Variants in ATXN2 observed in about 807,000 individuals in gnomAD.
The protein encoded by ATXN2 is ataxin-2.
Under a neutral mutation model 138.6 loss-of-function variants are expected in ATXN2, and 37 were observed. The ratio of observed to expected loss-of-function variants is 0.27; its 90% CI spans 0.21 to 0.35. The LOEUF is 0.35. Among genes scored for constraint, ATXN2 ranks in the 10% least tolerant of loss-of-function variants. The pLI, the probability that ATXN2 is intolerant of heterozygous loss-of-function variation, is 1.00. For missense variants in ATXN2, 1,216 were observed against 1,480.3 expected (o/e 0.82, Z 2.93); for synonymous variants, 549 against 543.7 (o/e 1.01, Z -0.13).
intron 5 of ATXN2, among the ~76,000 whole-genome samples, chr12:111,528,242 A>T (rs2135751089): frequency 6.6e-6 from 1 of 152,352 alleles, no homozygotes; most frequent in East Asian, 1.9e-4. Flanking sequence ...ATAGAACCAT[A>T]TAAACGGATT....
At chr12:111,487,203 T>C (rs1426276127) in intron 15 of ATXN2, among the ~76,000 whole-genome samples, 1 of 151,982 alleles carries the variant, frequency 6.6e-6, no homozygotes, top group Non-Finnish European at 1.5e-5. Flanking sequence ...CTTAGCCTCC[T>C]GATTAGCTGG....
intron 14 of ATXN2, among the ~76,000 whole-genome samples, chr12:111,491,725 G>A (rs1042776585): frequency 6.6e-6 from 1 of 152,158 alleles, no homozygotes; most frequent in African/African-American, 2.4e-5. Flanking sequence ...GAGCCCTTGT[G>A]CCTTGAATAA....
chr12:111,474,410 AAAAC>A (rs1433191019), intron 18 of ATXN2, among the ~76,000 whole-genome samples: 2 of 152,086 alleles, frequency 1.3e-5, no homozygotes, highest in Non-Finnish European at 2.9e-5. Context: ...AAAAAAACAA[AAAAC>A]AAACAAAAAA....
chr12:111,583,001 T>G (rs1387338773), intron 1 of ATXN2, among the ~76,000 whole-genome samples: 4 of 141,140 alleles, frequency 2.8e-5, no homozygotes, highest in African/African-American at 1.1e-4. Flanking sequence ...TTGTTTTTTT[T>G]TTTTTTTTGG....
intron 20 of ATXN2, among the ~76,000 whole-genome samples, chr12:111,467,964 A>T (rs986294597): frequency 6.6e-6 from 1 of 152,268 alleles, no homozygotes; most frequent in Non-Finnish European, 1.5e-5. Flanking sequence ...AAGCATGCAT[A>T]CACAAATAAC....
chr12:111,532,165 C>T (rs917547594), intron 5 of ATXN2, among the ~76,000 whole-genome samples: 39 of 150,678 alleles, frequency 2.6e-4, no homozygotes, highest in Middle Eastern at 3.4e-3. Flanking sequence ...AGAGCGGATA[C>T]CATATCAAGA....
intron 1 of ATXN2, among the ~76,000 whole-genome samples, chr12:111,580,020 T>C (rs777959951): frequency 6.6e-6 from 1 of 152,086 alleles, no homozygotes; most frequent in African/African-American, 2.4e-5. Context: ...TCTTGCTGTG[T>C]TGCCCAGGGC....
chr12:111,513,672 G>T, intron 10 of ATXN2, 133 bp from the exon 11 acceptor site: 73 of 469,916 alleles, frequency 1.6e-4, no homozygotes, highest in Admixed American at 1.6e-4. Flanking sequence ...GTTAAAAATA[G>T]AAAAAAAAAA....
intron 14 of ATXN2, among the ~76,000 whole-genome samples, chr12:111,497,441 T>C (rs1405481741): frequency 6.6e-6 from 1 of 152,164 alleles, no homozygotes; most frequent in Non-Finnish European, 1.5e-5. Context: ...TAGAAGCCAG[T>C]GTCTCTGAAG....
intron 1 of ATXN2, among the ~76,000 whole-genome samples, chr12:111,569,599 T>G (rs1041859921): frequency 3.9e-5 from 6 of 152,054 alleles, no homozygotes; most frequent in Admixed American, 2.6e-4. Context: ...TGCCTACAGT[T>G]CCAGTTACTT....
chr12:111,539,376 T>C (rs1881366885), intron 5 of ATXN2, among the ~76,000 whole-genome samples: 1 of 149,140 alleles, frequency 6.7e-6, no homozygotes, highest in African/African-American at 2.4e-5. Flanking sequence ...AAGAGAGAAA[T>C]AAGGAGAAAT....
At chr12:111,462,198 CAT>C (rs1334179110) in intron 21 of ATXN2, among the ~76,000 whole-genome samples, 6 of 152,196 alleles carry the variant, frequency 3.9e-5, no homozygotes, top group Non-Finnish European at 5.9e-5. Flanking sequence ...TAATCAAAGA[CAT>C]ATGCTTCTTT....
chr12:111,477,699 T>A (rs951135062), intron 18 of ATXN2, among the ~76,000 whole-genome samples: 6 of 152,186 alleles, frequency 3.9e-5, no homozygotes, highest in Non-Finnish European at 8.8e-5. Context: ...TATAAATAAC[T>A]TAAAATAATT....
intron 7 of ATXN2, among the ~76,000 whole-genome samples, chr12:111,520,317 T>C (rs780071098): frequency 5.3e-5 from 8 of 152,214 alleles, no homozygotes; most frequent in Non-Finnish European, 8.8e-5. Flanking sequence ...CTGTTCACCA[T>C]AATCTCTGCC....
At chr12:111,563,670 C>A (rs759447758) in intron 1 of ATXN2, among the ~76,000 whole-genome samples, 3 of 152,044 alleles carry the variant, frequency 2.0e-5, no homozygotes, top group Non-Finnish European at 4.4e-5. Context: ...TAGGAGAATT[C>A]TTTATAATAT....
At chr12:111,521,046 C>A in intron 6 of ATXN2, 73 bp from the exon 7 acceptor site, 1 of 952,598 alleles carries the variant, frequency 1.0e-6, no homozygotes, top group South Asian at 1.5e-5. Context: ...TAACCAACAT[C>A]TATATTAACA....
intron 5 of ATXN2, among the ~76,000 whole-genome samples, chr12:111,528,951 T>C (rs1714327238): frequency 6.6e-6 from 1 of 152,230 alleles, no homozygotes; most frequent in African/African-American, 2.4e-5. Context: ...TTTTTGTTTC[T>C]GTTTCTTTAA....
chr12:111,583,638 G>A (rs759414772), intron 1 of ATXN2, among the ~76,000 whole-genome samples: 10 of 151,652 alleles, frequency 6.6e-5, no homozygotes, highest in Admixed American at 4.0e-4. Context: ...ATGGTGGTGG[G>A]TGCCTGTAAT....
chr12:111,597,825 G>T, intron 1 of ATXN2: 1 of 1,266,602 alleles, frequency 7.9e-7, no homozygotes, highest in Non-Finnish European at 1.0e-6. Context: ...TGGGGCGGGG[G>T]TTGGGATAAG....
Sources: gnomAD v4.1 joint callset for allele counts (sites outside exome capture counted in the v4.1 genomes callset) on GRCh38, gnomAD v4.1.1 for gene constraint, MANE v1.5 for transcripts, NCBI Gene and HGNC (gene_info 2026-07-23, HGNC 2026-07-21) for gene names.